The following CENPP variants were observed in gnomAD, a reference collection of about 807,000 sequenced individuals.
CENPP encodes the protein centromere protein P.
Under a neutral mutation model 35.6 loss-of-function variants are expected in CENPP, and 24 were observed. That is an observed-to-expected ratio of 0.67 (90% CI 0.49 to 0.95). CENPP has a LOEUF of 0.95. Ranked by LOEUF, CENPP falls within the 40% of genes least tolerant of loss-of-function variation. CENPP has a pLI of 0.00. For missense variants in CENPP, 332 were observed against 345.3 expected (o/e 0.96, Z 0.31); for synonymous variants, 120 against 125.5 (o/e 0.96, Z 0.29).
In CENPP at chr9:92,415,411, C is replaced by T. The variant is rs372233789; in HGVS notation, c.564+35552C>T. On this transcript the variant is annotated intron_variant, in intron 5 of 7. Coordinates refer to ENST00000375587, the MANE Select transcript of CENPP (RefSeq NM_001012267.3). ...TTCTTTTAGTTTATTTTGGTCCACA[C>T]GAATGTATGTTAAATGGTGGTAATG... is the stretch of plus-strand genomic sequence containing the variant. 143 of 1,613,396 alleles carry T rather than the reference C, an allele frequency of 8.9e-5. 3 individuals are homozygous for T. The South Asian group carries it at 9.8e-4, about 11-fold the overall frequency.
rs67070835 is a variant in CENPP, at chr9:92,352,510, CATATATATAT to C, written c.467+6743_467+6752del. Among the ~76,000 whole-genome samples, 75 of 50,432 alleles carry C rather than the reference CATATATATAT, an allele frequency of 1.5e-3. 2 individuals carry two copies. In the South Asian group the frequency reaches 0.023, roughly 15 times the overall value. The allele number at this position is 50,432 out of a possible 152,430, so 33.1% of individuals were successfully genotyped here. On this transcript the variant is annotated intron_variant, in intron 4 of 7. Transcript: ENST00000375587. ...GTGTGTGTGTGTGTGTGTGTGTATA[CATATATATAT>C]ATATATATATATATATATAATATAA...
chr9:92,387,048 A>G (rs947074931), intron 5 of CENPP, among the ~76,000 whole-genome samples: 9 of 143,374 alleles, frequency 6.3e-5, no homozygotes, highest in Admixed American at 4.2e-4. Flanking sequence ...ACTCTGTCTC[A>G]AAAAGAAAAA....
intron 1 of CENPP, among the ~76,000 whole-genome samples, chr9:92,328,404 C>T (rs1029045970): frequency 6.6e-6 from 1 of 152,140 alleles, no homozygotes; most frequent in South Asian, 2.1e-4. Context: ...ACTGTGGAGC[C>T]AAATTGCCTG....
chr9:92,602,054 A>G (rs1850934684), intron 5 of CENPP, among the ~76,000 whole-genome samples: 2 of 152,208 alleles, frequency 1.3e-5, no homozygotes, highest in Non-Finnish European at 2.9e-5. Context: ...AAATGAGCCT[A>G]GAACAGCTGA....
intron 5 of CENPP, among the ~76,000 whole-genome samples, chr9:92,471,888 G>A (rs1306573486): frequency 6.6e-6 from 1 of 151,994 alleles, no homozygotes; most frequent in Non-Finnish European, 1.5e-5. Flanking sequence ...TCGAACTCCT[G>A]GACTCAAGCG....
intron 5 of CENPP, among the ~76,000 whole-genome samples, chr9:92,589,726 T>A (rs886751852): frequency 3.9e-5 from 6 of 152,234 alleles, no homozygotes; most frequent in Non-Finnish European, 7.3e-5. Context: ...AGATTTCAAC[T>A]AAGCATTATA....
chr9:92,543,656 C>T (rs1337573819), intron 5 of CENPP, among the ~76,000 whole-genome samples: 1 of 151,926 alleles, frequency 6.6e-6, no homozygotes, highest in Non-Finnish European at 1.5e-5. Context: ...GTCATTCTAA[C>T]AATATTAATG....
At chr9:92,387,955 G>T (rs1333337357) in intron 5 of CENPP, among the ~76,000 whole-genome samples, 1 of 149,356 alleles carries the variant, frequency 6.7e-6, no homozygotes, top group African/African-American at 2.5e-5. Context: ...GTAGAGACAG[G>T]GTTTCACCAT....
intron 5 of CENPP, chr9:92,416,784 G>C (rs1564309750): frequency 1.2e-5 from 20 of 1,613,830 alleles, no homozygotes; most frequent in Non-Finnish European, 1.4e-5. Flanking sequence ...AGAGTATGAA[G>C]TTTTGGAAGT....
At chr9:92,571,194 C>T (rs1850129226) in intron 5 of CENPP, among the ~76,000 whole-genome samples, 1 of 152,128 alleles carries the variant, frequency 6.6e-6, no homozygotes, top group Admixed American at 6.6e-5. Flanking sequence ...TTAGATCTTT[C>T]CTGCTTTCTC....
intron 5 of CENPP, among the ~76,000 whole-genome samples, chr9:92,390,588 G>GTGTGTGTGCA (rs57584166): frequency 7.7e-6 from 1 of 129,624 alleles, no homozygotes; most frequent in African/African-American, 2.7e-5. Context: ...GTGTGTGTGT[G>GTGTGTGTGCA]CGCGCGCGCG....
intron 5 of CENPP, among the ~76,000 whole-genome samples, chr9:92,572,993 A>C (rs1850183220): frequency 6.6e-6 from 1 of 152,024 alleles, no homozygotes; most frequent in East Asian, 1.9e-4. Flanking sequence ...CCATTCGTCT[A>C]ATCTTTTTTT....
intron 5 of CENPP, chr9:92,474,935 G>A (rs1845663112): frequency 1.9e-6 from 3 of 1,547,862 alleles, no homozygotes; most frequent in African/African-American, 2.8e-5. Flanking sequence ...GGACTAAACA[G>A]ACATGGGATA....
intron 5 of CENPP, among the ~76,000 whole-genome samples, chr9:92,590,164 G>C (rs1850633731): frequency 6.6e-6 from 1 of 152,152 alleles, no homozygotes. Context: ...TCAGTGGTGA[G>C]GTACAGTTCA....
intron 5 of CENPP, among the ~76,000 whole-genome samples, chr9:92,573,567 G>T (rs527456093): frequency 1.3e-5 from 2 of 152,182 alleles, no homozygotes; most frequent in Non-Finnish European, 1.5e-5. Context: ...TTGAGAAGGC[G>T]GTCTGTCCGT....
Position 92,616,141 on chromosome 9 carries a change from A to G in CENPP, c.*2992A>G. On this transcript the variant is annotated 3_prime_UTR_variant, in exon 8 of 8. Transcript: ENST00000375587. ...CCGTTCTCTCTCCCTTTCTTCTTTCAACTAGTATGTTTTTATGTTTTTTCT... is the reference window on the plus strand; with the variant it reads ...CCGTTCTCTCTCCCTTTCTTCTTTCGACTAGTATGTTTTTATGTTTTTTCT... 1.1e-6 allele frequency: 1 copy of G among 896,796 alleles called. No homozygotes were observed. The highest frequency in any genetic ancestry group is 2.6e-5 in the East Asian group (1 of 37,940). 55.6% of individuals were successfully genotyped at this position (896,796 alleles called of 1,614,324 possible). A position where few individuals can be genotyped will look rare whatever the true frequency, so the allele number is the denominator to read the frequency against.
At chr9:92,474,763 AT>A (rs1415295653) in intron 5 of CENPP, 1 of 1,612,700 alleles carries the variant, frequency 6.2e-7, no homozygotes, top group Non-Finnish European at 8.5e-7. Context: ...CATCATCATC[AT>A]CATCATCATC....
chr9:92,327,253 T>G (rs900419023), intron 1 of CENPP, among the ~76,000 whole-genome samples: 2 of 152,228 alleles, frequency 1.3e-5, no homozygotes, highest in Non-Finnish European at 2.9e-5. Context: ...GTCCCCATAG[T>G]AGTGTCAACT....
At chr9:92,395,187 G>A (rs1842846304) in intron 5 of CENPP, among the ~76,000 whole-genome samples, 1 of 152,046 alleles carries the variant, frequency 6.6e-6, no homozygotes, top group Admixed American at 6.6e-5. Flanking sequence ...CCTGCCCTTT[G>A]GTAATCTCTC....
Sources: gnomAD v4.1 joint callset for allele counts (sites outside exome capture counted in the v4.1 genomes callset) on GRCh38, gnomAD v4.1.1 for gene constraint, MANE v1.5 for transcripts, NCBI Gene and HGNC (gene_info 2026-07-23, HGNC 2026-07-21) for gene names.